The following EGFLAM variants were observed in gnomAD, a reference collection of about 807,000 sequenced individuals.
EGFLAM encodes pikachurin.
Under a neutral mutation model 113.1 loss-of-function variants are expected in EGFLAM, and 79 were observed. The ratio of observed to expected loss-of-function variants is 0.70; its 90% CI spans 0.58 to 0.84. The LOEUF (loss-of-function observed/expected upper bound fraction) is 0.84. Among genes scored for constraint, EGFLAM ranks in the 40% least tolerant of loss-of-function variants. EGFLAM has a pLI of 0.00. For synonymous variants in EGFLAM, 504 were observed against 487.6 expected, an observed-to-expected ratio of 1.03 and a Z score of -0.44; for missense variants, 1,265 against 1,291.6, an observed-to-expected ratio of 0.98 and a Z score of 0.32.
intron 5 of EGFLAM, among the ~76,000 whole-genome samples, chr5:38,368,454 G>A (rs1740120731): frequency 6.6e-6 from 1 of 152,120 alleles, no homozygotes; most frequent in African/African-American, 2.4e-5. Flanking sequence ...TGGGCATAAG[G>A]ACTCCATCTG....
intron 6 of EGFLAM, chr5:38,403,806 G>A: frequency 6.2e-7 from 1 of 1,612,812 alleles, no homozygotes; most frequent in Non-Finnish European, 8.5e-7. Context: ...ACAAGAGGAA[G>A]GAGCTGTCCT....
intron 1 of EGFLAM, among the ~76,000 whole-genome samples, chr5:38,316,076 CA>C (rs199596625): frequency 0.014 from 1,735 of 125,162 alleles, 19 homozygotes; most frequent in African/African-American, 0.032. Flanking sequence ...GACTCTGTCC[CA>C]AAAAAAAAAA....
intron 6 of EGFLAM, among the ~76,000 whole-genome samples, chr5:38,393,657 C>T (rs1449873274): frequency 6.6e-6 from 1 of 152,236 alleles, no homozygotes; most frequent in Non-Finnish European, 1.5e-5. Context: ...CACCGCTGGC[C>T]AGTCCTTGCG....
chr5:38,270,576 C>T (rs566687599), intron 1 of EGFLAM, among the ~76,000 whole-genome samples: 6 of 152,220 alleles, frequency 3.9e-5, no homozygotes, highest in Admixed American at 6.5e-5. Flanking sequence ...TAATACACAT[C>T]CCTTCAGCTT....
Position 38,258,700 on chromosome 5 carries a change from G to A in EGFLAM, c.-55G>A. 1 of 1,558,418 alleles carries A rather than the reference G, an allele frequency of 6.4e-7. No homozygotes were observed. Among genetic ancestry groups the A allele is most frequent in the Non-Finnish European group, 8.7e-7 (1 of 1,147,906 alleles). ...GCGTCCCCCACGCGCCCCCGGAGACGCCCTTTCCGTGTGCGCCCGGGACTT... is the reference window on the plus strand; with the variant it reads ...GCGTCCCCCACGCGCCCCCGGAGACACCCTTTCCGTGTGCGCCCGGGACTT... On this transcript the variant is annotated 5_prime_UTR_variant, in exon 1 of 22. Coordinates refer to ENST00000322350, the MANE Select transcript of EGFLAM (RefSeq NM_152403.4).
intron 1 of EGFLAM, among the ~76,000 whole-genome samples, chr5:38,294,693 G>C (rs944495800): frequency 4.0e-5 from 6 of 151,894 alleles, no homozygotes; most frequent in Non-Finnish European, 8.8e-5. Context: ...GGTTTTACAG[G>C]TTTACCTTGG....
chr5:38,433,807 T>TTCAGTA (rs1742262038), intron 15 of EGFLAM, among the ~76,000 whole-genome samples: 4 of 152,230 alleles, frequency 2.6e-5, no homozygotes, highest in Non-Finnish European at 5.9e-5. Context: ...GCCACAAGAA[T>TTCAGTA]TCCTGAAAGC....
At chr5:38,259,933 C>G (rs944334488) in intron 1 of EGFLAM, among the ~76,000 whole-genome samples, 2 of 152,210 alleles carry the variant, frequency 1.3e-5, no homozygotes, top group Non-Finnish European at 2.9e-5. Context: ...CATTGAAACT[C>G]TCTATCTGGA....
At position 38,406,225 on chromosome 5, in the gene EGFLAM, A is replaced by G; in HGVS notation, c.812A>G (p.Asp271Gly). The part of the protein sequence containing the change: ...DEGFEDDLDL[D>G]ISFEEVKPLP... ...GGATTTGAAGACGACTTAGATTTGGATATTTCCTTTGAGGAGGTAACAATA... is the reference window on the plus strand; with the variant it reads ...GGATTTGAAGACGACTTAGATTTGGGTATTTCCTTTGAGGAGGTAACAATA... The change falls in exon 7 of 22, where the codon GAT (aspartate) becomes GGT (glycine). Residue 271 changes from aspartate to glycine, a missense_variant. By Grantham distance (94) the Asp-to-Gly change is moderately conservative. Transcript: ENST00000322350. The G allele has an allele frequency of 6.2e-7, 1 of 1,614,122 alleles. No homozygotes were observed. Among genetic ancestry groups the G allele is most frequent in the Non-Finnish European group, 8.5e-7 (1 of 1,179,982 alleles).
intron 6 of EGFLAM, among the ~76,000 whole-genome samples, chr5:38,392,629 T>TTTG (rs747307665): frequency 4.7e-5 from 7 of 148,278 alleles, no homozygotes; most frequent in African/African-American, 1.8e-4. Context: ...TCTTTTTTTT[T>TTTG]GGGGGGGCGG....
At chr5:38,279,946 T>C (rs558162613) in intron 1 of EGFLAM, among the ~76,000 whole-genome samples, 3 of 152,186 alleles carry the variant, frequency 2.0e-5, no homozygotes, top group Non-Finnish European at 2.9e-5. Flanking sequence ...ACAATGTATA[T>C]ATACTTTAAA....
intron 1 of EGFLAM, among the ~76,000 whole-genome samples, chr5:38,311,109 T>C (rs914283504): frequency 8.5e-5 from 13 of 152,128 alleles, no homozygotes; most frequent in Non-Finnish European, 1.8e-4. Flanking sequence ...ACAAAGATTA[T>C]ATTTATTTAT....
intron 1 of EGFLAM, among the ~76,000 whole-genome samples, chr5:38,264,544 C>T (rs1757585133): frequency 6.6e-6 from 1 of 152,134 alleles, no homozygotes; most frequent in Non-Finnish European, 1.5e-5. Flanking sequence ...GGCTAAGGGG[C>T]AGTGGCCAGG....
chr5:38,379,224 A>G (rs1424134243), intron 6 of EGFLAM, among the ~76,000 whole-genome samples: 1 of 152,160 alleles, frequency 6.6e-6, no homozygotes, highest in Non-Finnish European at 1.5e-5. Context: ...AGAGGGGTTA[A>G]TAACTGAGTG....
At chr5:38,310,683 A>G (rs892994726) in intron 1 of EGFLAM, among the ~76,000 whole-genome samples, 2 of 152,024 alleles carry the variant, frequency 1.3e-5, no homozygotes, top group African/African-American at 4.8e-5. Context: ...CATTATCCAT[A>G]TGTACCCTTG....
intron 19 of EGFLAM, among the ~76,000 whole-genome samples, chr5:38,453,160 C>T (rs1224408435): frequency 6.6e-6 from 1 of 152,192 alleles, no homozygotes; most frequent in Non-Finnish European, 1.5e-5. Context: ...GTCCAGCAAT[C>T]CGTGTGGTAA....
chr5:38,446,396 C>T (rs1028154165), intron 17 of EGFLAM, among the ~76,000 whole-genome samples: 1 of 152,102 alleles, frequency 6.6e-6, no homozygotes, highest in African/African-American at 2.4e-5. Flanking sequence ...TTTCTTTCCT[C>T]CTCTTCTTGC....
At chr5:38,421,854 G>C (rs1442386960) in intron 12 of EGFLAM, among the ~76,000 whole-genome samples, 2 of 152,154 alleles carry the variant, frequency 1.3e-5, no homozygotes, top group Non-Finnish European at 1.5e-5. Flanking sequence ...GCTTGTTCCA[G>C]GGGAAGAGGA....
rs1740175642 is a variant in EGFLAM at position 38,370,419 on chromosome 5, C to A, written c.669C>A (p.Gly223=). The stretch of plus-strand genomic sequence containing the variant: ...CCGTGAGGGCAATGAATTCCCATGG[C>A]CCCAGCCCCCGCAGCTGGCCCAGTG... The part of the protein sequence containing the change: ...QFAVRAMNSH[G]PSPRSWPSDI... Residue 223 remains glycine, a synonymous_variant, in exon 6 of 22, where the codon GGC becomes GGA. Transcript: ENST00000322350. 1 of 1,614,162 alleles carries A rather than the reference C, an allele frequency of 6.2e-7. No homozygotes were observed. The highest frequency in any genetic ancestry group is 2.2e-5 in the East Asian group (1 of 44,874).
Sources: allele counts gnomAD v4.1 joint callset (sites outside exome capture counted in the v4.1 genomes callset), GRCh38; gene constraint gnomAD v4.1.1; transcripts MANE v1.5; gene names NCBI Gene and HGNC (gene_info 2026-07-23, HGNC 2026-07-21).